Variants in SEC14L5 observed in about 807,000 individuals in gnomAD.
SEC14L5 encodes the protein SEC14-like protein 5.
In SEC14L5, 96 loss-of-function variants were observed where a neutral mutation model predicts 84.6. That is an observed-to-expected ratio of 1.13 (90% CI 0.96 to 1.34). SEC14L5 has a LOEUF of 1.34. SEC14L5 is among the 40% of genes most tolerant of loss of function. SEC14L5 has a pLI of 0.00. For missense variants in SEC14L5, 1,224 were observed against 942.5 expected, an observed-to-expected ratio of 1.30 and a Z score of -3.91; for synonymous variants, 546 against 383.4, an observed-to-expected ratio of 1.42 and a Z score of -4.95.
rs555016692 is a variant in SEC14L5 at position 4,990,449 on chromosome 16, C to T, written c.346-318C>T. Among the ~76,000 whole-genome samples the T allele has an allele frequency of 7.9e-5, 12 of 152,360 alleles. No homozygotes were observed. In the South Asian group the frequency reaches 1.4e-3, roughly 18 times the overall value. On this transcript the variant is annotated intron_variant, in intron 4 of 15. Transcript: ENST00000251170. ...AAGTGCTCGGATTACAGGCGTGAGCCGCCATGCCCGACCTAAACATAAGTA... is the reference window on the plus strand; with the variant it reads ...AAGTGCTCGGATTACAGGCGTGAGCTGCCATGCCCGACCTAAACATAAGTA...
intron 14 of SEC14L5, among the ~76,000 whole-genome samples, chr16:5,010,223 G>T (rs190682976): frequency 1.4e-5 from 2 of 147,112 alleles, no homozygotes; most frequent in East Asian, 2.0e-4. Context: ...AAAAAGCGAG[G>T]TGTGGTGGCG....
chr16:4,973,199 G>A (rs538429665), intron 2 of SEC14L5, among the ~76,000 whole-genome samples: 1 of 152,310 alleles, frequency 6.6e-6, no homozygotes, highest in East Asian at 1.9e-4. Flanking sequence ...TTGACCCTGT[G>A]CTGTGTCTCT....
rs1035842879 is a variant in SEC14L5, at chr16:5,018,984, G to A, written c.*4014G>A. 6.6e-5 allele frequency: 10 copies of A among 152,202 alleles called. No homozygotes were observed. The highest frequency in any genetic ancestry group is 2.1e-4 in the South Asian group (1 of 4,812). 9.4% of individuals were successfully genotyped at this position (152,202 alleles called of 1,614,324 possible). On this transcript the variant is annotated 3_prime_UTR_variant, in exon 16 of 16. Coordinates refer to ENST00000251170, the MANE Select transcript of SEC14L5 (RefSeq NM_014692.2). ...TTTTCCATTTGGATAAACTTGCATC[G>A]TCAGCTTCCTAAAACCCTGGAGGTT...
chr16:5,003,423 C>T lies in SEC14L5; in HGVS notation c.1152C>T (p.Asp384=), dbSNP rs374959174. The T allele has an allele frequency of 2.3e-4, 368 of 1,613,192 alleles. No individual in the cohort carries two copies. The highest frequency in any genetic ancestry group is 1.2e-4 in the Non-Finnish European group (147 of 1,179,776). The change falls in exon 11 of 16, where the codon GAC becomes GAT. Residue 384 remains aspartate (D), a synonymous_variant. Coordinates refer to ENST00000251170, the MANE Select transcript of SEC14L5 (RefSeq NM_014692.2). ...RPISSWTCLL[D]LEGLNMRHLW... ...ACAGCTCCTGGACCTGCCTGCTAGACCTGGAGGGACTCAACATGCGGCACC... is the reference window on the plus strand; with the variant it reads ...ACAGCTCCTGGACCTGCCTGCTAGATCTGGAGGGACTCAACATGCGGCACC...
Position 5,000,773 on chromosome 16 carries a change from G to T in SEC14L5, c.1059+30G>T, listed in dbSNP as rs377515545. 38 of 1,555,210 alleles carry T rather than the reference G, an allele frequency of 2.4e-5. No homozygotes were observed. In the African/African-American group the frequency reaches 4.0e-4, roughly 16 times the overall value. On this transcript the variant is annotated intron_variant, in intron 9 of 15. Coordinates refer to ENST00000251170, the MANE Select transcript of SEC14L5 (RefSeq NM_014692.2). ...GTCAGGGGCCTCGTTCCTGGACGCC[G>T]TGCCTGGGGCCGGGCCTGGGAAGGA...
At chr16:4,971,351 T>A (rs1955277129) in intron 2 of SEC14L5, among the ~76,000 whole-genome samples, 1 of 151,518 alleles carries the variant, frequency 6.6e-6, no homozygotes, top group African/African-American at 2.4e-5. Context: ...TCCAGCTACT[T>A]GGGAGGCTGA....
At chr16:5,008,782 C>T (rs1955766062) in intron 14 of SEC14L5, 134 bp downstream of exon 14, 1 of 754,876 alleles carries the variant, frequency 1.3e-6, no homozygotes. Flanking sequence ...CAGGACAGGG[C>T]AGAGGAAAGA....
chr16:4,983,982 G>A (rs1955458889), intron 2 of SEC14L5, among the ~76,000 whole-genome samples: 1 of 152,120 alleles, frequency 6.6e-6, no homozygotes, highest in Non-Finnish European at 1.5e-5. Context: ...CACTTGGAGA[G>A]AGAAAGACAC....
At chr16:5,008,267 AAACTG>A (rs1955756309) in intron 13 of SEC14L5, among the ~76,000 whole-genome samples, 149 bp from the exon 14 acceptor site, 1 of 152,088 alleles carries the variant, frequency 6.6e-6, no homozygotes, top group African/African-American at 2.4e-5. Context: ...TCTCAGGAGA[AAACTG>A]AGGAGAGGAG....
intron 6 of SEC14L5, among the ~76,000 whole-genome samples, chr16:4,995,987 C>A (rs1222440856): frequency 6.6e-6 from 1 of 152,066 alleles, no homozygotes; most frequent in Non-Finnish European, 1.5e-5. Flanking sequence ...GTGGAGAGAG[C>A]TCAGTGAGAC....
chr16:5,017,995 G>A lies in SEC14L5; in HGVS notation c.*3025G>A, dbSNP rs1400527767. On this transcript the variant is annotated 3_prime_UTR_variant, in exon 16 of 16. Transcript: ENST00000251170. ...ACAAGCAGCATTACTGTTGGTGTTT[G>A]GGCACCTGGGCCTTGAATTTAGGCC... The A allele has an allele frequency of 6.6e-6, 1 of 152,230 alleles. No homozygotes were observed. The highest frequency in any genetic ancestry group is 1.9e-4 in the East Asian group (1 of 5,196). 9.4% of individuals were successfully genotyped at this position (152,230 alleles called of 1,614,324 possible). A position where few individuals can be genotyped will look rare whatever the true frequency, so the allele number is the denominator to read the frequency against.
Position 5,014,882 on chromosome 16 carries a change from C to G in SEC14L5, c.2003C>G (p.Ser668Cys). ...AGGGGCTCCATGTCCAGCCTGGAAT[C>G]CTGCACCAGCGGCTTCTCCCAGCTC... ...DFRGSMSSLESCTSGFSQLSA... is the reference protein window; with the variant it reads ...DFRGSMSSLECCTSGFSQLSA... The change falls in exon 16 of 16, where the codon TCC (serine) becomes TGC (cysteine). Residue 668 changes from serine to cysteine, a missense_variant. By Grantham distance (112) the Ser-to-Cys change is moderately radical. Coordinates refer to ENST00000251170, the MANE Select transcript of SEC14L5 (RefSeq NM_014692.2). The G allele has an allele frequency of 3.1e-6, 5 of 1,613,764 alleles. No homozygotes were observed. The highest frequency in any genetic ancestry group is 3.4e-6 in the Non-Finnish European group (4 of 1,179,868).
chr16:4,987,501 G>GT, intron 2 of SEC14L5, 56 bp from the exon 3 acceptor site: 3 of 1,423,844 alleles, frequency 2.1e-6, no homozygotes, highest in South Asian at 1.3e-5. Context: ...TCGCGCTGGG[G>GT]GGGGGGGTCC....
At position 4,997,047 on chromosome 16, in the gene SEC14L5, G is replaced by A. The variant is rs780120360; in HGVS notation, c.970+3G>A. The A allele has an allele frequency of 3.1e-6, 5 of 1,600,148 alleles. No individual in the cohort carries two copies. Among genetic ancestry groups the A allele is most frequent in the Non-Finnish European group, 3.4e-6 (4 of 1,173,254 alleles). On this transcript the variant is annotated splice_donor_region_variant and intron_variant, in intron 8 of 15. Transcript: ENST00000251170. ...GGGCTGGCATTACCAGGACATAGGT[G>A]CGTGCCTCCACCCACATCATGTATA...
intron 12 of SEC14L5, 56 bp downstream of exon 12, chr16:5,006,104 T>G: frequency 6.3e-7 from 1 of 1,578,416 alleles, no homozygotes; most frequent in Non-Finnish European, 8.7e-7. Context: ...CATGCCTAGC[T>G]GGGAGGCTGG....
intron 2 of SEC14L5, among the ~76,000 whole-genome samples, chr16:4,966,310 G>T (rs1372660073): frequency 1.8e-5 from 2 of 109,794 alleles, no homozygotes; most frequent in Non-Finnish European, 3.4e-5. Context: ...GTCTTGCTCT[G>T]TCACCCAGGC....
At chr16:5,011,944 T>G (rs1293970721) in intron 15 of SEC14L5, among the ~76,000 whole-genome samples, 1 of 152,216 alleles carries the variant, frequency 6.6e-6, no homozygotes, top group Admixed American at 6.5e-5. Flanking sequence ...GTAAAAGCAC[T>G]TATGATTTTG....
chr16:5,014,973 G>C lies in SEC14L5; in HGVS notation c.*3G>C. On this transcript the variant is annotated 3_prime_UTR_variant, in exon 16 of 16. Coordinates refer to ENST00000251170, the MANE Select transcript of SEC14L5 (RefSeq NM_014692.2). ...GCAGCTCCCTGGTCTCCAGATAGCC[G>C]GGCCCAGTGTTTCAGGGCCGCCCGC... The C allele has an allele frequency of 6.2e-7, 1 of 1,607,140 alleles. No homozygotes were observed. Among genetic ancestry groups the C allele is most frequent in the Admixed American group, 1.7e-5 (1 of 59,936 alleles).
intron 11 of SEC14L5, among the ~76,000 whole-genome samples, chr16:5,004,794 CCTT>C (rs1568145925): frequency 6.6e-6 from 1 of 152,230 alleles, no homozygotes; most frequent in Non-Finnish European, 1.5e-5. Flanking sequence ...CCACTTCCTT[CCTT>C]CTTTATCAAC....
Sources: allele counts gnomAD v4.1 joint callset (sites outside exome capture counted in the v4.1 genomes callset), GRCh38; gene constraint gnomAD v4.1.1; transcripts MANE v1.5; gene names NCBI Gene and HGNC (gene_info 2026-07-23, HGNC 2026-07-21).